Variants in MYT1 observed in about 807,000 individuals in gnomAD.
MYT1 encodes myelin transcription factor I.
MYT1 carries 23 observed loss-of-function variants against 123.0 expected under a neutral mutation model. The observed-to-expected ratio is 0.19, with a 90% confidence interval of 0.13 to 0.26. The LOEUF (loss-of-function observed/expected upper bound fraction) is 0.26. Ranked by LOEUF, MYT1 falls within the 10% of genes least tolerant of loss-of-function variation. The pLI, the probability that MYT1 is intolerant of heterozygous loss-of-function variation, is 1.00. For synonymous variants in MYT1, 518 were observed against 575.3 expected (o/e 0.90, Z 1.43); for missense variants, 1,125 against 1,472.5 (o/e 0.76, Z 3.86).
At chr20:64,201,808 G>A (rs913479987) in intron 4 of MYT1, among the ~76,000 whole-genome samples, 5 of 152,222 alleles carry the variant, frequency 3.3e-5, no homozygotes, top group Non-Finnish European at 5.9e-5. Flanking sequence ...AAAACGCACC[G>A]TTGTGGTCTG....
At chr20:64,182,284 GA>G (rs1158360788) in intron 1 of MYT1, among the ~76,000 whole-genome samples, 1 of 152,254 alleles carries the variant, frequency 6.6e-6, no homozygotes, top group Non-Finnish European at 1.5e-5. Flanking sequence ...CCTCTCCAGG[GA>G]AGTGGCGGCT....
Position 64,168,732 on chromosome 20 carries a change from T to C in MYT1, c.-99+3993T>C, listed in dbSNP as rs148785328. On this transcript the variant is annotated intron_variant, in intron 1 of 22. Coordinates refer to ENST00000328439, the MANE Select transcript of MYT1 (RefSeq NM_004535.3). The surrounding 1 kb of genome is among the most constrained non-coding windows in gnomAD (Gnocchi z 6.1). ...TATGTTCCCTGTGCCTTGGGGTTTA[T>C]TTGGGACTGTGGCCTGGGAGCACGG... is the stretch of plus-strand genomic sequence containing the variant. Among the ~76,000 whole-genome samples, 1 of 152,330 alleles carries C rather than the reference T, an allele frequency of 6.6e-6. No individual in the cohort carries two copies. Among genetic ancestry groups the C allele is most frequent in the East Asian group, 1.9e-4 (1 of 5,174 alleles).
At chr20:64,184,025 G>A (rs1046237127) in intron 1 of MYT1, among the ~76,000 whole-genome samples, 19 of 152,082 alleles carry the variant, frequency 1.2e-4, no homozygotes, top group African/African-American at 3.4e-4. Flanking sequence ...TCACCATGCT[G>A]GCCAGGCTGG....
chr20:64,220,873 T>A (rs1188012074), intron 13 of MYT1, among the ~76,000 whole-genome samples: 1 of 120,074 alleles, frequency 8.3e-6, no homozygotes, highest in Admixed American at 7.8e-5. Context: ...GGGTGGGGGC[T>A]GGATCAGGCC....
At chr20:64,214,677 TCA>T (rs1216205700) in intron 10 of MYT1, among the ~76,000 whole-genome samples, 1 of 152,156 alleles carries the variant, frequency 6.6e-6, no homozygotes, top group Non-Finnish European at 1.5e-5. Flanking sequence ...GAACTAGAAC[TCA>T]CACACAGCTC....
rs1568708057 is a variant in MYT1, at chr20:64,201,931, CCG to C, written c.86+2012_86+2013del. On this transcript the variant is annotated intron_variant, in intron 4 of 22. Coordinates refer to ENST00000328439, the MANE Select transcript of MYT1 (RefSeq NM_004535.3). ...GGGAACCCCCGCGTGTCGGGAACCC[CCG>C]CGTGTCGGGAACCTCTGCGTGTCGG... Among the ~76,000 whole-genome samples the C allele has an allele frequency of 6.5e-3, 852 of 131,124 alleles. 23 individuals are homozygous for C. Among genetic ancestry groups the C allele is most frequent in the African/African-American group, 0.022 (796 of 36,058 alleles). The allele number at this position is 131,124 out of a possible 152,430, so 86.0% of individuals were successfully genotyped here.
In MYT1 at chr20:64,193,288, A is replaced by G. The variant is rs182265492; in HGVS notation, c.-1+3128A>G. Reference sequence around the variant, plus strand: ...AGCAGGATGTGTGCTGAGGTCACCGACTTTCTATATCTGTTCTGTGGGCTG... The same window carrying G: ...AGCAGGATGTGTGCTGAGGTCACCGGCTTTCTATATCTGTTCTGTGGGCTG... On this transcript the variant is annotated intron_variant, in intron 2 of 22. Coordinates refer to ENST00000328439, the MANE Select transcript of MYT1 (RefSeq NM_004535.3). The surrounding 1 kb of genome is among the most constrained non-coding windows in gnomAD (Gnocchi z 4.0). 3.6e-4 allele frequency among the ~76,000 whole-genome samples: 55 copies of G among 152,228 alleles called. No individual in the cohort carries two copies. Among genetic ancestry groups the G allele is most frequent in the Non-Finnish European group, 7.5e-4 (51 of 68,008 alleles).
At chr20:64,205,846 G>T in intron 6 of MYT1, 46 bp downstream of exon 6, 1 of 1,596,342 alleles carries the variant, frequency 6.3e-7, no homozygotes, top group Non-Finnish European at 8.5e-7. Flanking sequence ...GCTTAGTGTG[G>T]CCCTGGAGAA....
At chr20:64,221,848 C>T in intron 13 of MYT1, 45 bp from the exon 14 acceptor site, 1 of 1,603,170 alleles carries the variant, frequency 6.2e-7, no homozygotes, top group Non-Finnish European at 8.5e-7. Context: ...GCGCCCAGGC[C>T]TCCCCGCCAG....
chr20:64,225,180 G>A (rs188544416), intron 16 of MYT1, among the ~76,000 whole-genome samples: 2 of 152,174 alleles, frequency 1.3e-5, no homozygotes, highest in African/African-American at 2.4e-5. Flanking sequence ...AGCTTGGGAC[G>A]ATGGTGGTCT....
At chr20:64,197,596 C>G (rs1012505729) in intron 2 of MYT1, among the ~76,000 whole-genome samples, 32 of 152,348 alleles carry the variant, frequency 2.1e-4, no homozygotes, top group Non-Finnish European at 7.3e-5. Context: ...TCCTCTTGGG[C>G]CTCCCCTGTC....
Position 64,166,784 on chromosome 20 carries a change from T to A in MYT1, c.-99+2045T>A, listed in dbSNP as rs1359320404. 6.6e-6 allele frequency among the ~76,000 whole-genome samples: 1 copy of A among 152,148 alleles called. No homozygotes were observed. Among genetic ancestry groups the A allele is most frequent in the Non-Finnish European group, 1.5e-5 (1 of 68,020 alleles). On this transcript the variant is annotated intron_variant, in intron 1 of 22. Transcript: ENST00000328439. The surrounding 1 kb of genome is among the most constrained non-coding windows in gnomAD (Gnocchi z 4.9). Reference sequence around the variant, plus strand: ...CTAGCCATGTGGGATGCAAAGTTGCTCTGGTCTGGGGGTTGCAGCAGCCTC... The same window carrying A: ...CTAGCCATGTGGGATGCAAAGTTGCACTGGTCTGGGGGTTGCAGCAGCCTC...
chr20:64,194,689 G>T (rs1320367687), intron 2 of MYT1, among the ~76,000 whole-genome samples: 1 of 152,234 alleles, frequency 6.6e-6, no homozygotes, highest in Non-Finnish European at 1.5e-5. Context: ...GTCCGTGAGT[G>T]AGTGAGGAGA....
chr20:64,185,198 A>G lies in MYT1; in HGVS notation c.-98-4865A>G, dbSNP rs1246469835. On this transcript the variant is annotated intron_variant, in intron 1 of 22. Coordinates refer to ENST00000328439, the MANE Select transcript of MYT1 (RefSeq NM_004535.3). This position sits in a 1 kb window ranked among gnomAD's most constrained non-coding sequence, Gnocchi z 4.5. Reference sequence around the variant, plus strand: ...AAGAGTAGTTCAATATTCCAGAAGAATGGAGGGAAGAGTTGATATTCCTGG... The same window carrying G: ...AAGAGTAGTTCAATATTCCAGAAGAGTGGAGGGAAGAGTTGATATTCCTGG... Among the ~76,000 whole-genome samples, 2 of 152,186 alleles carry G rather than the reference A, an allele frequency of 1.3e-5. No individual in the cohort carries two copies. Among genetic ancestry groups the G allele is most frequent in the Non-Finnish European group, 2.9e-5 (2 of 68,026 alleles).
rs759400788 is a variant in MYT1 at position 64,240,329 on chromosome 20, T to C, written c.3247T>C (p.Cys1083Arg). Reference sequence around the variant, plus strand: ...TGGTTCTGTTCTCTAGGAGCCAATATGCGAACAGAATTTCGATGCCTATGT... The same window carrying C: ...TGGTTCTGTTCTCTAGGAGCCAATACGCGAACAGAATTTCGATGCCTATGT... ...NIRLPHMEPI[C>R]EQNFDAYVST... Residue 1083 changes from cysteine to arginine, a missense_variant, in exon 23 of 23, where the codon TGC (cysteine) becomes CGC (arginine). Physicochemically the swap from Cys to Arg is radical, Grantham distance 180 (BLOSUM62 -3). Coordinates refer to ENST00000328439, the MANE Select transcript of MYT1 (RefSeq NM_004535.3). The C allele has an allele frequency of 1.9e-6, 3 of 1,613,988 alleles. No individual in the cohort carries two copies. Among genetic ancestry groups the C allele is most frequent in the South Asian group, 1.1e-5 (1 of 91,072 alleles).
intron 1 of MYT1, among the ~76,000 whole-genome samples, chr20:64,179,772 G>A (rs573165362): frequency 1.3e-5 from 2 of 152,052 alleles, no homozygotes; most frequent in Admixed American, 6.6e-5. Flanking sequence ...AGTGGACATG[G>A]CTGGGAAGAC....
In MYT1 at chr20:64,227,888, C is replaced by T. The variant is rs78558275; in HGVS notation, c.2592C>T (p.Ser864=). The T allele has an allele frequency of 7.1e-4, 1,148 of 1,611,660 alleles. 11 individuals are homozygous for T. In the African/African-American group the frequency reaches 0.014, roughly 20 times the overall value. Residue 864 remains serine, a splice_region_variant and synonymous_variant, in exon 18 of 23, where the codon AGC becomes AGT. Coordinates refer to ENST00000328439, the MANE Select transcript of MYT1 (RefSeq NM_004535.3). ...GCCTTTTTTCCTCTTTCGAAATCAG[C>T]TTGTCCGGCTGCCCTCGTGCAAAGA... The part of the protein sequence containing the change: ...HITGNYASHR[S]LSGCPRAKKS...
Position 64,232,023 on chromosome 20 carries a change from C to A in MYT1, c.2676-141C>A. ...CCAGTTCTTCCCTGAGGCTCCAGGA[C>A]CTCAGCGGCCCTCCCTGCCTCACTC... On this transcript the variant is annotated intron_variant, in intron 18 of 22. Coordinates refer to ENST00000328439, the MANE Select transcript of MYT1 (RefSeq NM_004535.3). The surrounding 1 kb of genome is among the most constrained non-coding windows in gnomAD (Gnocchi z 6.9). 3 of 774,376 alleles carry A rather than the reference C, an allele frequency of 3.9e-6. No individual in the cohort carries two copies. The highest frequency in any genetic ancestry group is 6.2e-6 in the Non-Finnish European group (3 of 483,370). 48.0% of individuals were successfully genotyped at this position (774,376 alleles called of 1,614,324 possible). A position where few individuals can be genotyped will look rare whatever the true frequency, so the allele number is the denominator to read the frequency against.
chr20:64,227,939 C>A lies in MYT1; in HGVS notation c.2643C>A (p.Thr881=), dbSNP rs761142580. ...AAAGTGGAGTCAAGGTGGCACCCAC[C>A]AAGGACGACAAGGAGGACCCCGAGC... ...AKKSGVKVAP[T]KDDKEDPELM... Residue 881 remains threonine, a synonymous_variant, in exon 18 of 23, where the codon ACC becomes ACA. Coordinates refer to ENST00000328439, the MANE Select transcript of MYT1 (RefSeq NM_004535.3). 5.0e-6 allele frequency: 8 copies of A among 1,613,936 alleles called. No homozygotes were observed. The highest frequency in any genetic ancestry group is 6.8e-6 in the Non-Finnish European group (8 of 1,179,990).
Sources: gnomAD v4.1 joint callset for allele counts (sites outside exome capture counted in the v4.1 genomes callset) on GRCh38, gnomAD v4.1.1 for gene constraint, Gnocchi (gnomAD v3.1) non-coding constraint, MANE v1.5 for transcripts, NCBI Gene and HGNC (gene_info 2026-07-23, HGNC 2026-07-21) for gene names.